DAPK1: variants seen among roughly 807,000 people sequenced by gnomAD.
DAPK1 encodes the protein death-associated protein kinase 1.
Under a neutral mutation model 144.9 loss-of-function variants are expected in DAPK1, and 56 were observed. The observed-to-expected ratio is 0.39, with a 90% CI of 0.31 to 0.48. The LOEUF is 0.48. DAPK1 is among the 20% of genes least tolerant of loss of function. The pLI, the probability that DAPK1 is intolerant of heterozygous loss-of-function variation, is 0.95. For missense variants in DAPK1, 1,454 were observed against 1,875.4 expected (o/e 0.78, Z 4.15); for synonymous variants, 690 against 749.0 (o/e 0.92, Z 1.29).
intron 7 of DAPK1, 130 bp downstream of exon 7, chr9:87,639,945 AC>A (rs1830039992): frequency 1.1e-5 from 10 of 948,580 alleles, no homozygotes; most frequent in Admixed American, 2.6e-5. Flanking sequence ...TTCATTTTAC[AC>A]CCCCAAAACA....
intron 1 of DAPK1, chr9:87,498,485 A>G: frequency 4.1e-6 from 1 of 246,388 alleles, no homozygotes; most frequent in Non-Finnish European, 7.7e-6. Flanking sequence ...TCGCTCGGGG[A>G]AGGGGAGAGG....
chr9:87,707,962 T>C lies in DAPK1; in HGVS notation c.*598T>C. 2.2e-6 allele frequency: 1 copy of C among 448,668 alleles called. No individual in the cohort carries two copies. Among genetic ancestry groups the C allele is most frequent in the South Asian group, 1.6e-5 (1 of 62,784 alleles). 27.8% of individuals were successfully genotyped at this position (448,668 alleles called of 1,614,324 possible). A position where few individuals can be genotyped will look rare whatever the true frequency, so the allele number is the denominator to read the frequency against. On this transcript the variant is annotated 3_prime_UTR_variant, in exon 26 of 26. Coordinates refer to ENST00000408954, the MANE Select transcript of DAPK1 (RefSeq NM_004938.4). The surrounding 1 kb of genome is among the most constrained non-coding windows in gnomAD (Gnocchi z 4.0). The stretch of plus-strand genomic sequence containing the variant: ...CCAGGAGCTGTCACCAAGGAAACGC[T>C]ACCTCTCTGTCCCTTGCTGTATGCT...
chr9:87,622,540 A>G (rs1197179459), intron 3 of DAPK1, among the ~76,000 whole-genome samples: 2 of 148,528 alleles, frequency 1.3e-5, no homozygotes, highest in African/African-American at 2.5e-5. Context: ...GAAGAGAGGA[A>G]AAAAAAAGAT....
At position 87,645,887 on chromosome 9, in the gene DAPK1, C is replaced by T. The variant is rs756638350; in HGVS notation, c.1012-8C>T. ...AACTCTGTTTCCATCTTGGCTGTCT[C>T]TCTCAAGGATGAGGAAGACTCCTTT... On this transcript the variant is annotated splice_polypyrimidine_tract_variant and splice_region_variant and intron_variant, in intron 11 of 25. Coordinates refer to ENST00000408954, the MANE Select transcript of DAPK1 (RefSeq NM_004938.4). The T allele has an allele frequency of 6.2e-7, 1 of 1,613,686 alleles. No homozygotes were observed. The highest frequency in any genetic ancestry group is 1.7e-5 in the Admixed American group (1 of 59,922).
At chr9:87,590,913 A>G (rs1828110347) in intron 2 of DAPK1, among the ~76,000 whole-genome samples, 1 of 152,210 alleles carries the variant, frequency 6.6e-6, no homozygotes, top group Admixed American at 6.5e-5. Context: ...TGTTGTATTC[A>G]TACAAGACCT....
intron 19 of DAPK1, among the ~76,000 whole-genome samples, chr9:87,679,516 A>G (rs2119325952): frequency 6.6e-6 from 1 of 152,242 alleles, no homozygotes; most frequent in African/African-American, 2.4e-5. Context: ...GTAAACCTTG[A>G]GCAGGTTCCC....
chr9:87,615,608 A>G (rs1829068310), intron 3 of DAPK1, among the ~76,000 whole-genome samples: 2 of 152,252 alleles, frequency 1.3e-5, no homozygotes. Flanking sequence ...GCACTTAGGC[A>G]TGGGTCTTCC....
intron 18 of DAPK1, among the ~76,000 whole-genome samples, chr9:87,666,988 T>C (rs1255957147): frequency 1.3e-5 from 2 of 152,138 alleles, no homozygotes; most frequent in East Asian, 3.9e-4. Flanking sequence ...TGCTGCATAA[T>C]AGAATTAACC....
chr9:87,579,215 G>A lies in DAPK1; in HGVS notation c.63-25739G>A, dbSNP rs191214452. ...GCACTTCTTCAGTGCATCACAAAGG[G>A]AAGTCTTTGAGGGCCTCTCACTAAA... On this transcript the variant is annotated intron_variant, in intron 2 of 25. Transcript: ENST00000408954. 2.5e-3 allele frequency among the ~76,000 whole-genome samples: 381 copies of A among 152,286 alleles called. 1 individual carries two copies. Among genetic ancestry groups the A allele is most frequent in the Non-Finnish European group, 4.3e-3 (293 of 68,028 alleles).
chr9:87,706,250 A>G lies in DAPK1; in HGVS notation c.3179A>G (p.Tyr1060Cys). 1 of 1,613,814 alleles carries G rather than the reference A, an allele frequency of 6.2e-7. No homozygotes were observed. The highest frequency in any genetic ancestry group is 1.3e-5 in the African/African-American group (1 of 75,040). ...SVETPRALHH[Y>C]RGRYTVEDIQ... is the part of the protein sequence containing the mutation. ...GAGACCCCACGGGCGCTGCACCACT[A>G]CCGGGGCCGCTACACCGTGGAGGAC... The change falls in exon 26 of 26, where the codon TAC (tyrosine) becomes TGC (cysteine). Residue 1060 changes from tyrosine (Y) to cysteine (C), a missense_variant. Coordinates refer to ENST00000408954, the MANE Select transcript of DAPK1 (RefSeq NM_004938.4). This position sits in a 1 kb window ranked among gnomAD's most constrained non-coding sequence, Gnocchi z 9.0.
At chr9:87,567,394 G>T (rs1827167503) in intron 2 of DAPK1, among the ~76,000 whole-genome samples, 1 of 152,078 alleles carries the variant, frequency 6.6e-6, no homozygotes. Context: ...GGGGAATGGG[G>T]GTAGGGAAGG....
At chr9:87,537,888 G>T (rs1329274255) in intron 2 of DAPK1, among the ~76,000 whole-genome samples, 1 of 152,124 alleles carries the variant, frequency 6.6e-6, no homozygotes, top group Non-Finnish European at 1.5e-5. Context: ...CGAGGCAAGC[G>T]GGGGTTTGAG....
Position 87,498,172 on chromosome 9 carries a change from C to A in DAPK1, c.-109+65C>A, listed in dbSNP as rs559304780. On this transcript the variant is annotated intron_variant, in intron 1 of 25. Coordinates refer to ENST00000408954, the MANE Select transcript of DAPK1 (RefSeq NM_004938.4). Reference sequence around the variant, plus strand: ...CGGCGCCAGCTTTTGCTTTCCCAGCCAGGGCGCGGTGGGGTTTGTCCGGGC... The same window carrying A: ...CGGCGCCAGCTTTTGCTTTCCCAGCAAGGGCGCGGTGGGGTTTGTCCGGGC... 377 of 396,980 alleles carry A rather than the reference C, an allele frequency of 9.5e-4. 2 individuals are homozygous for A. The Middle Eastern group carries it at 0.015, about 16-fold the overall frequency. The allele number at this position is 396,980 out of a possible 1,614,324, so 24.6% of individuals were successfully genotyped here.
chr9:87,514,748 A>G (rs1235289033), intron 2 of DAPK1, among the ~76,000 whole-genome samples: 1 of 152,246 alleles, frequency 6.6e-6, no homozygotes, highest in Non-Finnish European at 1.5e-5. Flanking sequence ...CAATTGCTCA[A>G]ATTCAGCAGC....
At chr9:87,559,426 T>G (rs1861831) in intron 2 of DAPK1, among the ~76,000 whole-genome samples, 102,595 of 151,988 alleles carry the variant, frequency 0.68, 36,249 homozygotes, top group African/African-American at 0.89. Flanking sequence ...TGTGGTAACA[T>G]CTAGCCACAT....
intron 3 of DAPK1, among the ~76,000 whole-genome samples, chr9:87,612,740 A>G (rs1178749912): frequency 2.6e-5 from 4 of 152,260 alleles, no homozygotes; most frequent in Non-Finnish European, 5.9e-5. Flanking sequence ...AAAATGACGC[A>G]ATACATACAT....
chr9:87,514,676 C>G (rs146964234), intron 2 of DAPK1, among the ~76,000 whole-genome samples: 1 of 151,984 alleles, frequency 6.6e-6, no homozygotes, highest in African/African-American at 2.4e-5. Context: ...GAACAAAGCC[C>G]GACACGATTA....
At chr9:87,585,092 A>G (rs187091326) in intron 2 of DAPK1, among the ~76,000 whole-genome samples, 1 of 152,338 alleles carries the variant, frequency 6.6e-6, no homozygotes, top group African/African-American at 2.4e-5. Flanking sequence ...TTCACTCATT[A>G]TCAGATGTAT....
At chr9:87,668,902 C>T in intron 19 of DAPK1, 3 of 504,440 alleles carry the variant, frequency 5.9e-6, no homozygotes, top group South Asian at 4.6e-5. Flanking sequence ...TTTGCAGTTG[C>T]CGTGCCTGGT....
Sources: allele counts gnomAD v4.1 joint callset (sites outside exome capture counted in the v4.1 genomes callset), GRCh38; gene constraint gnomAD v4.1.1; non-coding constraint Gnocchi (gnomAD v3.1); transcripts MANE v1.5; gene names NCBI Gene and HGNC (gene_info 2026-07-23, HGNC 2026-07-21).